Variants in STK32B observed in about 807,000 individuals in gnomAD.
STK32B encodes the protein serine/threonine-protein kinase 32B.
STK32B carries 43 observed loss-of-function variants against 52.6 expected under a neutral mutation model. That is an observed-to-expected ratio of 0.82 (90% CI 0.64 to 1.05). The LOEUF is 1.05. Among genes scored for constraint, STK32B ranks in the 50% least tolerant of loss-of-function variants. STK32B has a pLI of 0.00. For missense variants in STK32B, 621 were observed against 534.6 expected (o/e 1.16, Z -1.59); for synonymous variants, 238 against 204.3 (o/e 1.17, Z -1.41).
intron 3 of STK32B, among the ~76,000 whole-genome samples, chr4:5,301,529 C>T (rs984619654): frequency 4.0e-5 from 6 of 151,062 alleles, no homozygotes; most frequent in African/African-American, 1.2e-4. Context: ...CTAATTTGTC[C>T]GTTTCATCTA....
At chr4:5,140,100 C>A in intron 2 of STK32B, 140 bp downstream of exon 2, 1 of 1,428,634 alleles carries the variant, frequency 7.0e-7, no homozygotes, top group Non-Finnish European at 9.8e-7. Context: ...GAAAGGAAGT[C>A]TGAATAGTTT....
intron 5 of STK32B, among the ~76,000 whole-genome samples, chr4:5,414,015 A>G (rs1711937260): frequency 6.6e-6 from 1 of 152,210 alleles, no homozygotes; most frequent in Non-Finnish European, 1.5e-5. Flanking sequence ...ATATTCAGGA[A>G]TTCTTGTCAC....
At position 5,250,292 on chromosome 4, in the gene STK32B, G is replaced by T. The variant is rs532775948; in HGVS notation, c.261-80928G>T. 1.5e-3 allele frequency among the ~76,000 whole-genome samples: 223 copies of T among 150,174 alleles called. 1 individual carries two copies. The highest frequency in any genetic ancestry group is 5.1e-3 in the African/African-American group (210 of 40,782). On this transcript the variant is annotated intron_variant, in intron 3 of 11. Coordinates refer to ENST00000282908, the MANE Select transcript of STK32B (RefSeq NM_018401.3). Reference sequence around the variant, plus strand: ...AAAGGTAGAATTAGTGGAATGAATGGTAATTCTGTTTTAAGTTCTTTTTTT... The same window carrying T: ...AAAGGTAGAATTAGTGGAATGAATGTTAATTCTGTTTTAAGTTCTTTTTTT...
chr4:5,189,066 G>C (rs59504907), intron 3 of STK32B, among the ~76,000 whole-genome samples: 3,771 of 151,616 alleles, frequency 0.025, 150 homozygotes, highest in African/African-American at 0.086. Context: ...ATTAAGAGGA[G>C]ATTTCCCATG....
intron 2 of STK32B, among the ~76,000 whole-genome samples, chr4:5,145,776 A>G (rs767467044): frequency 6.6e-6 from 1 of 152,194 alleles, no homozygotes; most frequent in African/African-American, 2.4e-5. Context: ...ACTGTTTTCA[A>G]CCAGACTGGT....
chr4:5,051,489 C>A lies in STK32B; in HGVS notation c.-375C>A. Reference sequence around the variant, plus strand: ...CCCTCCTCCCCCGCTCCTTCCCCTCCTTCCCCTGCTCCCGCGCCGCCTCGC... The same window carrying A: ...CCCTCCTCCCCCGCTCCTTCCCCTCATTCCCCTGCTCCCGCGCCGCCTCGC... On this transcript the variant is annotated 5_prime_UTR_variant, in exon 1 of 12. Coordinates refer to ENST00000282908, the MANE Select transcript of STK32B (RefSeq NM_018401.3). The A allele has an allele frequency of 3.5e-6, 1 of 281,706 alleles. No individual in the cohort carries two copies. Among genetic ancestry groups the A allele is most frequent in the South Asian group, 7.5e-5 (1 of 13,272 alleles). The allele number at this position is 281,706 out of a possible 1,614,324, so 17.5% of individuals were successfully genotyped here.
intron 3 of STK32B, among the ~76,000 whole-genome samples, chr4:5,231,657 A>G (rs538548336): frequency 6.6e-6 from 1 of 152,160 alleles, no homozygotes; most frequent in Admixed American, 6.5e-5. Flanking sequence ...AAAGAAAAGA[A>G]AAAGAAAGAG....
chr4:5,423,455 A>T (rs987770057), intron 6 of STK32B, among the ~76,000 whole-genome samples: 1 of 152,186 alleles, frequency 6.6e-6, no homozygotes, highest in Non-Finnish European at 1.5e-5. Context: ...ATTTATTGAC[A>T]TTAATTATAG....
At chr4:5,482,132 G>C (rs1050990712) in intron 11 of STK32B, among the ~76,000 whole-genome samples, 2 of 152,160 alleles carry the variant, frequency 1.3e-5, no homozygotes, top group African/African-American at 4.8e-5. Context: ...AAAGTCATTG[G>C]TAGCTTGATG....
rs149542622 is a variant in STK32B, at chr4:5,076,029, T to C, written c.52+24114T>C. Among the ~76,000 whole-genome samples the C allele has an allele frequency of 9.7e-3, 1,482 of 152,312 alleles. 8 individuals carry two copies. Among genetic ancestry groups the C allele is most frequent in the Non-Finnish European group, 0.017 (1,184 of 68,018 alleles). ...CTGGAGATGCTGAATTAACATGGAC[T>C]AAGTCCTTCTCATGGCAATGGCAGA... On this transcript the variant is annotated intron_variant, in intron 1 of 11. Coordinates refer to ENST00000282908, the MANE Select transcript of STK32B (RefSeq NM_018401.3).
chr4:5,251,349 C>T (rs1039049514), intron 3 of STK32B, among the ~76,000 whole-genome samples: 1 of 152,112 alleles, frequency 6.6e-6, no homozygotes, highest in Non-Finnish European at 1.5e-5. Flanking sequence ...GATTCCTTTC[C>T]TTACTGCTTG....
At chr4:5,145,026 G>T (rs940952441) in intron 2 of STK32B, among the ~76,000 whole-genome samples, 1 of 152,194 alleles carries the variant, frequency 6.6e-6, no homozygotes, top group Non-Finnish European at 1.5e-5. Flanking sequence ...GTACAGGGAT[G>T]GAGTGGAGGA....
intron 4 of STK32B, among the ~76,000 whole-genome samples, chr4:5,364,210 G>A (rs1734723979): frequency 6.6e-6 from 1 of 152,190 alleles, no homozygotes; most frequent in Non-Finnish European, 1.5e-5. Flanking sequence ...CCAGGGTACA[G>A]CATCTTGTCA....
In STK32B at chr4:5,398,443, T is replaced by C. The variant is rs547028291; in HGVS notation, c.472+199T>C. Among the ~76,000 whole-genome samples, 1 of 152,294 alleles carries C rather than the reference T, an allele frequency of 6.6e-6. No individual in the cohort carries two copies. The highest frequency in any genetic ancestry group is 2.1e-4 in the South Asian group (1 of 4,818). On this transcript the variant is annotated intron_variant, in intron 5 of 11. Coordinates refer to ENST00000282908, the MANE Select transcript of STK32B (RefSeq NM_018401.3). The surrounding 1 kb of genome is among the most constrained non-coding windows in gnomAD (Gnocchi z 4.9). Reference sequence around the variant, plus strand: ...CTGCCGTGGTAAGTTGAATCAAAGTTATTTAAACTGTTCGCATCTGAAGTC... The same window carrying C: ...CTGCCGTGGTAAGTTGAATCAAAGTCATTTAAACTGTTCGCATCTGAAGTC...
At chr4:5,065,408 A>G (rs917396000) in intron 1 of STK32B, among the ~76,000 whole-genome samples, 1 of 152,176 alleles carries the variant, frequency 6.6e-6, no homozygotes, top group African/African-American at 2.4e-5. Context: ...TGGAGAAGGC[A>G]TTGTTGCCAC....
At position 5,457,938 on chromosome 4, in the gene STK32B, GGGAAGGAA is replaced by G. The variant is rs3078908; in HGVS notation, c.783+1032_783+1039del. 4.7e-4 allele frequency among the ~76,000 whole-genome samples: 65 copies of G among 138,052 alleles called. 1 individual carries two copies. Among genetic ancestry groups the G allele is most frequent in the East Asian group, 8.2e-4 (3 of 3,646 alleles). The allele number at this position is 138,052 out of a possible 152,430, so 90.6% of individuals were successfully genotyped here. On this transcript the variant is annotated intron_variant, in intron 8 of 11. Transcript: ENST00000282908. ...GAGAGAGGAAGGAAGGAGGGAGGGA[GGGAAGGAA>G]GGAAGGAAGGAAGGAAAGGAAAGAA...
At chr4:5,224,154 T>A (rs1039625910) in intron 3 of STK32B, among the ~76,000 whole-genome samples, 2 of 152,204 alleles carry the variant, frequency 1.3e-5, no homozygotes, top group Non-Finnish European at 2.9e-5. Flanking sequence ...TGGGGGGCTA[T>A]TGGGATGAAA....
At chr4:5,268,867 A>G (rs1727228829) in intron 3 of STK32B, among the ~76,000 whole-genome samples, 1 of 152,100 alleles carries the variant, frequency 6.6e-6, no homozygotes, top group African/African-American at 2.4e-5. Flanking sequence ...GGAAAAAACA[A>G]TAAGCAATAG....
intron 1 of STK32B, among the ~76,000 whole-genome samples, chr4:5,055,070 A>G (rs1239844969): frequency 1.3e-5 from 2 of 150,374 alleles, no homozygotes. Flanking sequence ...GTTGCAAATG[A>G]TGGAAAAGCA....
Sources: allele counts gnomAD v4.1 joint callset (sites outside exome capture counted in the v4.1 genomes callset), GRCh38; gene constraint gnomAD v4.1.1; non-coding constraint Gnocchi (gnomAD v3.1); transcripts MANE v1.5; gene names NCBI Gene and HGNC (gene_info 2026-07-23, HGNC 2026-07-21).